MAP4K5: variants seen among roughly 807,000 people sequenced by gnomAD.
MAP4K5 encodes MAPK/ERK kinase kinase kinase 5.
MAP4K5 carries 82 observed loss-of-function variants against 135.6 expected under a neutral mutation model. The observed-to-expected ratio is 0.60, with a 90% CI of 0.51 to 0.73. The LOEUF (loss-of-function observed/expected upper bound fraction) is 0.73. Among genes scored for constraint, MAP4K5 ranks in the 30% least tolerant of loss-of-function variants. The pLI is 0.00. For missense variants in MAP4K5, 907 were observed against 1,010.9 expected (o/e 0.90, Z 1.39); for synonymous variants, 347 against 335.0 (o/e 1.04, Z -0.39).
Position 50,423,025 on chromosome 14 carries a change from A to C in MAP4K5, c.2453+96T>G, listed in dbSNP as rs527256814. Reference sequence around the variant, plus strand: ...ATGTATCTAAGTCAATGAGCTTCTAAGAGTTTTGTTTGAAACAATTACAGA... The same window carrying C: ...ATGTATCTAAGTCAATGAGCTTCTACGAGTTTTGTTTGAAACAATTACAGA... On this transcript the variant is annotated intron_variant, in intron 32 of 32. Coordinates refer to ENST00000682126, the MANE Select transcript of MAP4K5 (RefSeq NM_006575.6). 513 of 552,294 alleles carry C rather than the reference A, an allele frequency of 9.3e-4. 1 individual carries two copies. The highest frequency in any genetic ancestry group is 1.4e-3 in the Non-Finnish European group (417 of 308,596). The allele number at this position is 552,294 out of a possible 1,614,324, so 34.2% of individuals were successfully genotyped here.
rs1194911000 is a variant in MAP4K5 at position 50,426,457 on chromosome 14, GCT to G, written c.2327-482_2327-481del. ...AAAATAAACCTGGCCGGGCGCAGTG[GCT>G]CATCCCTGTAACCTCAGCACTTTGG... On this transcript the variant is annotated intron_variant, in intron 30 of 32. Coordinates refer to ENST00000682126, the MANE Select transcript of MAP4K5 (RefSeq NM_006575.6). 1.2e-4 allele frequency among the ~76,000 whole-genome samples: 18 copies of G among 152,274 alleles called. No homozygotes were observed. The East Asian group carries it at 3.3e-3, about 28-fold the overall frequency.
Position 50,525,760 on chromosome 14 carries a change from C to A in MAP4K5, c.108+6182G>T, listed in dbSNP as rs1012172081. 2.0e-5 allele frequency among the ~76,000 whole-genome samples: 3 copies of A among 152,138 alleles called. No individual in the cohort carries two copies. The East Asian group carries it at 5.8e-4, about 29-fold the overall frequency. The stretch of plus-strand genomic sequence containing the variant: ...TCAGGAGGCTGAAGTGGGAGGATCA[C>A]TTGAGCCTGGGAGGCGGAGGGTCTA... On this transcript the variant is annotated intron_variant, in intron 2 of 32. Transcript: ENST00000682126.
At chr14:50,494,358 G>A (rs765231415) in intron 3 of MAP4K5, among the ~76,000 whole-genome samples, 3 of 151,744 alleles carry the variant, frequency 2.0e-5, no homozygotes, top group African/African-American at 4.8e-5. Context: ...TAGTAGAGAC[G>A]GGTTTCACCA....
chr14:50,462,522 T>C (rs2036733709), intron 13 of MAP4K5, 143 bp downstream of exon 13: 1 of 623,084 alleles, frequency 1.6e-6, no homozygotes, highest in Admixed American at 3.3e-5. Flanking sequence ...GCAGGAAAAG[T>C]GTAGTTTACA....
At chr14:50,482,606 G>A (rs754161513) in intron 5 of MAP4K5, 190 bp from the exon 6 acceptor site, 28 of 415,452 alleles carry the variant, frequency 6.7e-5, no homozygotes, top group East Asian at 2.3e-4. Flanking sequence ...GTGAAACCCC[G>A]TCTCTACTAA....
intron 2 of MAP4K5, among the ~76,000 whole-genome samples, chr14:50,505,320 A>G (rs1308741692): frequency 6.6e-6 from 1 of 152,112 alleles, no homozygotes; most frequent in African/African-American, 2.4e-5. Flanking sequence ...ATGGAAGAAG[A>G]TGACCCCATC....
At chr14:50,517,660 G>A (rs948669349) in intron 2 of MAP4K5, among the ~76,000 whole-genome samples, 31 of 152,036 alleles carry the variant, frequency 2.0e-4, no homozygotes, top group African/African-American at 6.0e-4. Flanking sequence ...TTCCAGCTAC[G>A]CAGGAGGCTG....
At position 50,476,084 on chromosome 14, in the gene MAP4K5, C is replaced by T. The variant is rs2037090983; in HGVS notation, c.469+44G>A. The stretch of plus-strand genomic sequence containing the variant: ...TTTTATAAAAATTTTATTAAAATGT[C>T]ATTAAATTTTTGGAAAAAATTTTAG... On this transcript the variant is annotated intron_variant, in intron 8 of 32. Coordinates refer to ENST00000682126, the MANE Select transcript of MAP4K5 (RefSeq NM_006575.6). 2.9e-6 allele frequency: 3 copies of T among 1,038,112 alleles called. No individual in the cohort carries two copies. In the South Asian group the frequency reaches 5.5e-5, roughly 19 times the overall value. The allele number at this position is 1,038,112 out of a possible 1,614,324, so 64.3% of individuals were successfully genotyped here. A position where few individuals can be genotyped will look rare whatever the true frequency, so the allele number is the denominator to read the frequency against.
chr14:50,558,526 TTG>T lies in MAP4K5; in HGVS notation c.-180+2512_-180+2513del, dbSNP rs145336036. 2.3e-3 allele frequency among the ~76,000 whole-genome samples: 357 copies of T among 152,376 alleles called. 3 individuals are homozygous for T. The highest frequency in any genetic ancestry group is 8.2e-3 in the African/African-American group (339 of 41,588). On this transcript the variant is annotated intron_variant, in intron 1 of 8. Coordinates refer to the MAP4K5 transcript ENST00000555216. ...GAGAGCTATTTATTTAAGCATTTTTTTGTGATTCACACAGTCTCAAAGTATTC... is the reference window on the plus strand; with the variant it reads ...GAGAGCTATTTATTTAAGCATTTTTTTGATTCACACAGTCTCAAAGTATTC...
chr14:50,509,754 T>C lies in MAP4K5; in HGVS notation c.109-4897A>G, dbSNP rs374593797. 7.2e-5 allele frequency among the ~76,000 whole-genome samples: 11 copies of C among 152,156 alleles called. No individual in the cohort carries two copies. The East Asian group carries it at 7.7e-4, about 11-fold the overall frequency. On this transcript the variant is annotated intron_variant, in intron 2 of 32. Transcript: ENST00000682126. ...CTAGCAAACATAATAGCCACTTCTA[T>C]GCCTAAATGTCAGTACCCTGGTTTT...
chr14:50,526,966 A>C (rs574266184), intron 2 of MAP4K5, among the ~76,000 whole-genome samples: 169 of 152,380 alleles, frequency 1.1e-3, no homozygotes, highest in African/African-American at 3.8e-3. Flanking sequence ...ATTGCAAAAA[A>C]AAAAGTTTAA....
In MAP4K5 at chr14:50,437,950, T is replaced by C; in HGVS notation, c.1767A>G (p.Lys589=). The C allele has an allele frequency of 6.2e-7, 1 of 1,612,380 alleles. No individual in the cohort carries two copies. Among genetic ancestry groups the C allele is most frequent in the Non-Finnish European group, 8.5e-7 (1 of 1,178,742 alleles). ...NLIALFEHAK[K]PGLAAHIQTH... is the part of the protein sequence containing the mutation. ...TTTGAATATGGGCAGCTAATCCTGG[T>C]TTTTTGGCATGTTCAAACAAAGCTA... is the stretch of plus-strand genomic sequence containing the variant. Residue 589 remains lysine, a synonymous_variant, in exon 25 of 33, where the codon AAA becomes AAG. Transcript: ENST00000682126.
intron 2 of MAP4K5, among the ~76,000 whole-genome samples, chr14:50,515,911 C>G (rs950627095): frequency 1.3e-5 from 2 of 152,186 alleles, no homozygotes; most frequent in African/African-American, 4.8e-5. Flanking sequence ...CTGACAGGCA[C>G]CTTAACATTA....
chr14:50,426,062 A>G, intron 30 of MAP4K5, 85 bp from the exon 31 acceptor site: 2 of 813,594 alleles, frequency 2.5e-6, no homozygotes. Flanking sequence ...TAAATAATAT[A>G]AGCCTATTCA....
At chr14:50,494,524 C>T (rs993582969) in intron 3 of MAP4K5, among the ~76,000 whole-genome samples, 13 of 151,908 alleles carry the variant, frequency 8.6e-5, no homozygotes, top group Non-Finnish European at 1.8e-4. Flanking sequence ...GCTACACAAT[C>T]CCTATGAAAA....
chr14:50,466,594 G>C lies in MAP4K5; in HGVS notation c.726C>G (p.Asp242Glu), dbSNP rs1365232173. The change falls in exon 11 of 33, where the codon GAC (aspartate) becomes GAG (glutamate). Residue 242 changes from aspartate (D) to glutamate (E), a missense_variant. Physicochemically the swap from Asp to Glu is conservative, Grantham distance 45. This residue lies in a region of MAP4K5 where 690 missense variants were observed against 777.4 expected (regional missense o/e 0.89). Coordinates refer to ENST00000682126, the MANE Select transcript of MAP4K5 (RefSeq NM_006575.6). Reference protein sequence around the residue: ...KSNFQPPKLKDKTKWSSTFHN... With the variant: ...KSNFQPPKLKEKTKWSSTFHN... ...ATTCTTTAACTCACCATTTTGTTTT[G>C]TCCTTTAGTTTTGGAGGCTGAAAAT... is the stretch of plus-strand genomic sequence containing the variant. 3.5e-6 allele frequency: 5 copies of C among 1,445,252 alleles called. No homozygotes were observed. Among genetic ancestry groups the C allele is most frequent in the Non-Finnish European group, 4.8e-6 (5 of 1,051,680 alleles). The allele number at this position is 1,445,252 out of a possible 1,614,324, so 89.5% of individuals were successfully genotyped here.
chr14:50,434,845 T>G lies in MAP4K5; in HGVS notation c.1986+117A>C, dbSNP rs377102882. 4 of 661,496 alleles carry G rather than the reference T, an allele frequency of 6.0e-6. No homozygotes were observed. In the East Asian group the frequency reaches 8.3e-5, roughly 14 times the overall value. 41.0% of individuals were successfully genotyped at this position (661,496 alleles called of 1,614,324 possible). On this transcript the variant is annotated intron_variant, in intron 27 of 32. Coordinates refer to ENST00000682126, the MANE Select transcript of MAP4K5 (RefSeq NM_006575.6). ...AAAACCTCTAAATCAAATAAACAACTACAAATAACTATAAATGTTCTGACC... is the reference window on the plus strand; with the variant it reads ...AAAACCTCTAAATCAAATAAACAACGACAAATAACTATAAATGTTCTGACC...
intron 1 of MAP4K5, among the ~76,000 whole-genome samples, chr14:50,545,237 G>A (rs1254321516): frequency 6.6e-6 from 1 of 152,224 alleles, no homozygotes; most frequent in Non-Finnish European, 1.5e-5. Flanking sequence ...TGCTGCTCAG[G>A]AGCGCCCTGT....
intron 1 of MAP4K5, among the ~76,000 whole-genome samples, chr14:50,542,939 G>A (rs79764313): frequency 6.6e-6 from 1 of 152,148 alleles, no homozygotes; most frequent in Non-Finnish European, 1.5e-5. Context: ...CTAATAGGTT[G>A]GTCAATTACT....
Sources: gnomAD v4.1 joint callset for allele counts (sites outside exome capture counted in the v4.1 genomes callset) on GRCh38, gnomAD v4.1.1 for gene constraint, gnomAD v4.1.1 regional missense constraint, MANE v1.5 for transcripts, NCBI Gene and HGNC (gene_info 2026-07-23, HGNC 2026-07-21) for gene names.